Variants in RASAL2 observed in about 807,000 individuals in gnomAD.
RASAL2 encodes the protein ras GTPase-activating protein nGAP.
In RASAL2, 58 loss-of-function variants were observed where a neutral mutation model predicts 128.9. The observed-to-expected ratio is 0.45, with a 90% CI of 0.36 to 0.56. RASAL2 has a LOEUF of 0.56. Among genes scored for constraint, RASAL2 ranks in the 20% least tolerant of loss-of-function variants. The pLI, the probability that RASAL2 is intolerant of heterozygous loss-of-function variation, is 0.00. For missense variants in RASAL2, 1,360 were observed against 1,601.6 expected, an observed-to-expected ratio of 0.85 and a Z score of 2.57; for synonymous variants, 561 against 580.8, an observed-to-expected ratio of 0.97 and a Z score of 0.49.
At chr1:178,246,723 T>A (rs1286060791) in intron 1 of RASAL2, among the ~76,000 whole-genome samples, 2 of 152,166 alleles carry the variant, frequency 1.3e-5, no homozygotes, top group Admixed American at 1.3e-4. Context: ...TAGCTCTTAT[T>A]ATTTTGAGAT....
intron 1 of RASAL2, among the ~76,000 whole-genome samples, chr1:178,194,046 T>C (rs572144621): frequency 6.6e-6 from 1 of 152,322 alleles, no homozygotes; most frequent in South Asian, 2.1e-4. Context: ...AAAGGACTTG[T>C]ACACATTTAT....
At chr1:178,381,675 CT>C (rs1294539879) in intron 3 of RASAL2, among the ~76,000 whole-genome samples, 1 of 151,572 alleles carries the variant, frequency 6.6e-6, no homozygotes, top group East Asian at 1.9e-4. Flanking sequence ...AAGACTAAAT[CT>C]TTTTTTTAAT....
At chr1:178,454,865 T>C (rs1677651736) in intron 12 of RASAL2, among the ~76,000 whole-genome samples, 1 of 152,144 alleles carries the variant, frequency 6.6e-6, no homozygotes, top group Admixed American at 6.5e-5. Context: ...TTAATAATTA[T>C]CTGAATTAAT....
chr1:178,282,407 C>T (rs1387739597), intron 1 of RASAL2, among the ~76,000 whole-genome samples: 1 of 152,124 alleles, frequency 6.6e-6, no homozygotes. Flanking sequence ...TTGTTGCTAA[C>T]GTTCTACAGA....
chr1:178,226,709 G>A (rs895097015), intron 1 of RASAL2, among the ~76,000 whole-genome samples: 18 of 152,160 alleles, frequency 1.2e-4, no homozygotes, highest in Admixed American at 6.5e-4. Context: ...CATTTTGGGC[G>A]GCCGAGGCAG....
At chr1:178,164,823 TTG>T (rs200932615) in intron 1 of RASAL2, among the ~76,000 whole-genome samples, 15,226 of 131,666 alleles carry the variant, frequency 0.12, 1,040 homozygotes, top group African/African-American at 0.23. Flanking sequence ...CATCAAACGT[TTG>T]TGTGTGTGTG....
At chr1:178,261,220 C>T (rs760396920) in intron 1 of RASAL2, among the ~76,000 whole-genome samples, 1 of 152,036 alleles carries the variant, frequency 6.6e-6, no homozygotes, top group Non-Finnish European at 1.5e-5. Flanking sequence ...AAAATAAGAA[C>T]TCTGGAATTG....
intron 1 of RASAL2, among the ~76,000 whole-genome samples, chr1:178,149,375 G>A (rs937465839): frequency 2.0e-5 from 3 of 151,894 alleles, no homozygotes; most frequent in East Asian, 1.9e-4. Flanking sequence ...TTCATTTCTG[G>A]CTGTTGTACA....
chr1:178,294,223 T>C (rs1178404110), intron 2 of RASAL2, among the ~76,000 whole-genome samples: 4 of 152,162 alleles, frequency 2.6e-5, no homozygotes, highest in Non-Finnish European at 2.9e-5. Flanking sequence ...GAAAGGCTTA[T>C]GCAGAAGCCC....
At chr1:178,288,328 TTTA>T (rs1420678774) in intron 2 of RASAL2, among the ~76,000 whole-genome samples, 2 of 152,194 alleles carry the variant, frequency 1.3e-5, no homozygotes, top group African/African-American at 4.8e-5. Context: ...CAATCTCTTC[TTTA>T]TTATTCCCAC....
At chr1:178,167,329 A>AT (rs1661551631) in intron 1 of RASAL2, among the ~76,000 whole-genome samples, 1 of 152,100 alleles carries the variant, frequency 6.6e-6, no homozygotes, top group African/African-American at 2.4e-5. Context: ...CATATAAGTG[A>AT]TTTTACTTGT....
chr1:178,188,698 A>G (rs568217383), intron 1 of RASAL2, among the ~76,000 whole-genome samples: 1 of 152,166 alleles, frequency 6.6e-6, no homozygotes, highest in Non-Finnish European at 1.5e-5. Flanking sequence ...TTCGGATTCT[A>G]TGATTCTTAA....
intron 1 of RASAL2, among the ~76,000 whole-genome samples, chr1:178,189,111 T>G (rs1662403937): frequency 6.6e-6 from 1 of 152,266 alleles, no homozygotes; most frequent in African/African-American, 2.4e-5. Flanking sequence ...TTATCAACCA[T>G]GAGTTACTAC....
At chr1:178,389,260 C>T in intron 3 of RASAL2, 1 of 983,612 alleles carries the variant, frequency 1.0e-6, no homozygotes, top group Non-Finnish European at 1.2e-6. Context: ...AGCTGGATTC[C>T]TTTATGTCTG....
At chr1:178,290,882 T>C (rs1392342336) in intron 2 of RASAL2, among the ~76,000 whole-genome samples, 6 of 152,086 alleles carry the variant, frequency 3.9e-5, no homozygotes, top group Non-Finnish European at 8.8e-5. Context: ...TTCATCGTGT[T>C]AGCCAGGATG....
At chr1:178,443,991 C>T (rs542028593) in intron 8 of RASAL2, among the ~76,000 whole-genome samples, 27 of 152,194 alleles carry the variant, frequency 1.8e-4, no homozygotes, top group African/African-American at 6.5e-4. Context: ...ATTACTATTT[C>T]TTGATATGTC....
intron 5 of RASAL2, among the ~76,000 whole-genome samples, chr1:178,438,879 C>CTG (rs1491466580): frequency 9.0e-5 from 7 of 78,100 alleles, no homozygotes; most frequent in African/African-American, 3.1e-4. Context: ...TGAGCTTCGA[C>CTG]TCTGTGTGTG....
At position 178,465,804 on chromosome 1, in the gene RASAL2, A is replaced by AAAAAAAG. The variant is rs892014811; in HGVS notation, c.3388-103_3388-97dup. On this transcript the variant is annotated intron_variant, in intron 15 of 17. Transcript: ENST00000367649. The stretch of plus-strand genomic sequence containing the variant: ...ACACTGCTTAGGGTTTCTTTTGTTA[A>AAAAAAAG]AAAAAAGAAAAAAGAAAAAGAAAAA... 1.5e-4 allele frequency: 155 copies of AAAAAAAG among 1,025,540 alleles called. No homozygotes were observed. In the Middle Eastern group the frequency reaches 2.3e-3, roughly 15 times the overall value. 63.5% of individuals were successfully genotyped at this position (1,025,540 alleles called of 1,614,324 possible).
intron 1 of RASAL2, among the ~76,000 whole-genome samples, chr1:178,208,785 A>G (rs1052679142): frequency 7.9e-5 from 12 of 152,094 alleles, no homozygotes; most frequent in African/African-American, 2.7e-4. Flanking sequence ...TTAATAAAAA[A>G]CTTGCTGGTT....
Sources: allele counts gnomAD v4.1 joint callset (sites outside exome capture counted in the v4.1 genomes callset), GRCh38; gene constraint gnomAD v4.1.1; transcripts MANE v1.5; gene names NCBI Gene and HGNC (gene_info 2026-07-23, HGNC 2026-07-21).